The following ADAMTS17 variants were observed in gnomAD, a reference collection of about 807,000 sequenced individuals.
The protein encoded by ADAMTS17 is ADAM metallopeptidase with thrombospondin type 1 motif 17, also known as A disintegrin and metalloproteinase with thrombospondin motifs 17.
ADAMTS17 carries 113 observed loss-of-function variants against 141.5 expected under a neutral mutation model. That is an observed-to-expected ratio of 0.80 (90% CI 0.69 to 0.93). The LOEUF (loss-of-function observed/expected upper bound fraction) is 0.93, where lower values mean the gene tolerates loss of function less well. ADAMTS17 is among the 40% of genes least tolerant of loss of function. The probability of loss-of-function intolerance (pLI) is 0.00; values close to 1 mark genes in which losing one functional copy is unlikely to be tolerated. For synonymous variants in ADAMTS17, 768 were observed against 630.6 expected (o/e 1.22, Z -3.27); for missense variants, 1,659 against 1,517.9 (o/e 1.09, Z -1.54).
intron 18 of ADAMTS17, among the ~76,000 whole-genome samples, chr15:100,046,316 T>G (rs915426455): frequency 2.0e-5 from 3 of 152,288 alleles, no homozygotes; most frequent in Non-Finnish European, 4.4e-5. Context: ...ATCTTATCCC[T>G]GGAGTTCCAC....
intron 10 of ADAMTS17, among the ~76,000 whole-genome samples, chr15:100,136,013 T>C (rs2038311837): frequency 6.6e-6 from 1 of 152,188 alleles, no homozygotes; most frequent in East Asian, 1.9e-4. Flanking sequence ...TTTGGAAAAC[T>C]TTGGCAGTAT....
chr15:100,085,489 A>G (rs2035039142), intron 15 of ADAMTS17, among the ~76,000 whole-genome samples: 1 of 151,866 alleles, frequency 6.6e-6, no homozygotes, highest in East Asian at 1.9e-4. Flanking sequence ...GGAAATATAG[A>G]GAACACCACA....
chr15:100,199,410 T>C lies in ADAMTS17; in HGVS notation c.1089A>G (p.Leu363=). Reference sequence around the variant, plus strand: ...TCCTCTTAGCACTGCACACACCTCCTAAGTAAGCAATTCCTGCAGCAGAGA... The same window carrying C: ...TCCTCTTAGCACTGCACACACCTCCCAAGTAAGCAATTCCTGCAGCAGAGA... ...EPCDTVGIAY[L]GGVCSAKRKC... Residue 363 remains leucine, a synonymous_variant, in exon 8 of 22, where the codon TTA becomes TTG. Transcript: ENST00000268070. The C allele has an allele frequency of 1.2e-6, 2 of 1,614,092 alleles. No individual in the cohort carries two copies. Among genetic ancestry groups the C allele is most frequent in the Non-Finnish European group, 1.7e-6 (2 of 1,179,988 alleles).
At chr15:100,187,053 A>C (rs1458238878) in intron 8 of ADAMTS17, among the ~76,000 whole-genome samples, 2 of 151,998 alleles carry the variant, frequency 1.3e-5, no homozygotes, top group Non-Finnish European at 1.5e-5. Flanking sequence ...GGACCGAGAG[A>C]GCCAGACTCA....
At chr15:100,315,654 A>T (rs1219321904) in intron 3 of ADAMTS17, among the ~76,000 whole-genome samples, 3 of 152,312 alleles carry the variant, frequency 2.0e-5, no homozygotes, top group South Asian at 2.1e-4. Context: ...TAGGCAACAC[A>T]ATGAGACCCC....
intron 4 of ADAMTS17, 90 bp downstream of exon 4, chr15:100,281,139 T>C: frequency 6.4e-7 from 1 of 1,560,830 alleles, no homozygotes; most frequent in South Asian, 1.1e-5. Context: ...CTTCCTCACT[T>C]GAGGAGATGA....
chr15:100,213,005 G>C (rs1243281682), intron 7 of ADAMTS17, among the ~76,000 whole-genome samples: 1 of 152,002 alleles, frequency 6.6e-6, no homozygotes, highest in Non-Finnish European at 1.5e-5. Flanking sequence ...AAAAAAAGAA[G>C]AAAAACAGCT....
intron 4 of ADAMTS17, among the ~76,000 whole-genome samples, chr15:100,264,721 G>A (rs1596393143): frequency 6.6e-6 from 1 of 152,028 alleles, no homozygotes; most frequent in East Asian, 1.9e-4. Context: ...TACACCATTA[G>A]CCCAAAGCTC....
intron 8 of ADAMTS17, among the ~76,000 whole-genome samples, chr15:100,165,976 T>C (rs2039936649): frequency 6.6e-6 from 1 of 152,204 alleles, no homozygotes; most frequent in African/African-American, 2.4e-5. Context: ...CTATAAAAAG[T>C]CATTCTAATT....
At chr15:100,148,367 C>T (rs531621225) in intron 10 of ADAMTS17, among the ~76,000 whole-genome samples, 1 of 143,568 alleles carries the variant, frequency 7.0e-6, no homozygotes, top group East Asian at 2.1e-4. Context: ...ATCCATATTT[C>T]CACCTAGTAT....
intron 19 of ADAMTS17, among the ~76,000 whole-genome samples, chr15:99,995,212 C>G (rs1204476822): frequency 1.3e-5 from 2 of 152,230 alleles, no homozygotes; most frequent in Non-Finnish European, 2.9e-5. Context: ...GCAACTCTGT[C>G]CTCACTGTCT....
chr15:100,106,957 G>A (rs556100752), intron 14 of ADAMTS17, among the ~76,000 whole-genome samples: 210 of 152,300 alleles, frequency 1.4e-3, no homozygotes, highest in African/African-American at 4.7e-3. Context: ...CTCCCTCCCC[G>A]TGAGGTTGCT....
chr15:100,063,529 G>A, intron 15 of ADAMTS17: 1 of 548,480 alleles, frequency 1.8e-6, no homozygotes, highest in Admixed American at 2.5e-5. Flanking sequence ...TGACAGCACT[G>A]TGTGGTCCCC....
At position 100,199,290 on chromosome 15, in the gene ADAMTS17, A is replaced by G. The variant is rs769134325; in HGVS notation, c.1181+28T>C. On this transcript the variant is annotated intron_variant, in intron 8 of 21. Transcript: ENST00000268070. Reference sequence around the variant, plus strand: ...TGCACTCAAAAAGGACTGAAAGAAAACAGGACGACACAGAGTCTGATACTT... The same window carrying G: ...TGCACTCAAAAAGGACTGAAAGAAAGCAGGACGACACAGAGTCTGATACTT... The G allele has an allele frequency of 6.3e-6, 10 of 1,594,734 alleles. No homozygotes were observed. In the Admixed American group the frequency reaches 1.5e-4, roughly 24 times the overall value.
intron 12 of ADAMTS17, chr15:100,128,711 A>G (rs1201888675): frequency 6.6e-6 from 1 of 152,228 alleles, no homozygotes; most frequent in Admixed American, 6.5e-5. Flanking sequence ...GAGAATCCCA[A>G]TATAAGAAAC....
intron 3 of ADAMTS17, among the ~76,000 whole-genome samples, chr15:100,330,186 A>C (rs2046007890): frequency 6.6e-6 from 1 of 152,054 alleles, no homozygotes; most frequent in South Asian, 2.1e-4. Flanking sequence ...TTCTCCCCCC[A>C]CACTGCATCT....
chr15:100,024,416 T>C (rs763637009), intron 18 of ADAMTS17, among the ~76,000 whole-genome samples: 1 of 152,220 alleles, frequency 6.6e-6, no homozygotes, highest in Non-Finnish European at 1.5e-5. Flanking sequence ...GATAGAGCCA[T>C]ACATTACTGA....
chr15:100,028,509 T>G (rs1421653391), intron 18 of ADAMTS17, among the ~76,000 whole-genome samples: 2 of 152,212 alleles, frequency 1.3e-5, no homozygotes, highest in Non-Finnish European at 2.9e-5. Context: ...TTTTGGACAC[T>G]TCTAGAAAAT....
At chr15:100,055,000 T>C (rs1253347500) in intron 15 of ADAMTS17, among the ~76,000 whole-genome samples, 1 of 152,026 alleles carries the variant, frequency 6.6e-6, no homozygotes, top group Non-Finnish European at 1.5e-5. Flanking sequence ...TGCTGTTATT[T>C]AGGGAAAAAA....
Sources: allele counts gnomAD v4.1 joint callset (sites outside exome capture counted in the v4.1 genomes callset), GRCh38; gene constraint gnomAD v4.1.1; transcripts MANE v1.5; gene names NCBI Gene and HGNC (gene_info 2026-07-23, HGNC 2026-07-21).